Variants in TMEM132D observed in about 807,000 individuals in gnomAD.
TMEM132D encodes the protein mature OL transmembrane protein.
Under a neutral mutation model 62.3 loss-of-function variants are expected in TMEM132D, and 21 were observed. The ratio of observed to expected loss-of-function variants is 0.34; its 90% CI spans 0.24 to 0.49. The LOEUF is 0.49. Among genes scored for constraint, TMEM132D ranks in the 20% least tolerant of loss-of-function variants. The pLI, the probability that TMEM132D is intolerant of heterozygous loss-of-function variation, is 0.99. For missense variants in TMEM132D, 1,346 were observed against 1,402.8 expected, an observed-to-expected ratio of 0.96 and a Z score of 0.65; for synonymous variants, 621 against 575.6, an observed-to-expected ratio of 1.08 and a Z score of -1.13.
At chr12:129,544,701 GAAAGA>G (rs1876682839) in intron 2 of TMEM132D, among the ~76,000 whole-genome samples, 1 of 151,490 alleles carries the variant, frequency 6.6e-6, no homozygotes, top group Non-Finnish European at 1.5e-5. Flanking sequence ...TCAGTTTGCA[GAAAGA>G]AAAGAAATGA....
intron 2 of TMEM132D, chr12:129,682,964 C>A (rs1362245343): frequency 6.6e-6 from 1 of 151,742 alleles, no homozygotes; most frequent in Non-Finnish European, 1.5e-5. Flanking sequence ...GGCACCTTGT[C>A]CCTCCAATGC....
chr12:129,335,005 C>T (rs73422270), intron 4 of TMEM132D, among the ~76,000 whole-genome samples: 2,546 of 152,112 alleles, frequency 0.017, 86 homozygotes, highest in African/African-American at 0.058. Flanking sequence ...AGTCCCTTAC[C>T]TGAAAAAATT....
chr12:129,606,612 T>C (rs1414382341), intron 2 of TMEM132D, among the ~76,000 whole-genome samples: 1 of 152,056 alleles, frequency 6.6e-6, no homozygotes, highest in African/African-American at 2.4e-5. Flanking sequence ...CCAACCCCAA[T>C]ACAGGCACTA....
chr12:129,770,858 C>T (rs12582058), intron 1 of TMEM132D, among the ~76,000 whole-genome samples: 1,845 of 152,266 alleles, frequency 0.012, 26 homozygotes, highest in East Asian at 0.07. Flanking sequence ...TGGTCTCTAC[C>T]GAATGTGTAC....
chr12:129,316,536 A>C (rs1011059893), intron 4 of TMEM132D, among the ~76,000 whole-genome samples: 1 of 152,008 alleles, frequency 6.6e-6, no homozygotes, highest in Non-Finnish European at 1.5e-5. Flanking sequence ...AATTTTCTTA[A>C]ATTTATTGAG....
chr12:129,792,637 A>G (rs1406301115), intron 1 of TMEM132D, among the ~76,000 whole-genome samples: 2 of 152,216 alleles, frequency 1.3e-5, no homozygotes, highest in Non-Finnish European at 2.9e-5. Context: ...GTAAATACAC[A>G]AATAATATCT....
chr12:129,745,352 C>T (rs1869743032), intron 1 of TMEM132D, among the ~76,000 whole-genome samples: 1 of 152,160 alleles, frequency 6.6e-6, no homozygotes, highest in African/African-American at 2.4e-5. Flanking sequence ...AAGTCAACAC[C>T]CGCAAATGCG....
intron 5 of TMEM132D, among the ~76,000 whole-genome samples, chr12:129,133,693 T>C (rs1876447182): frequency 6.6e-6 from 1 of 152,280 alleles, no homozygotes; most frequent in South Asian, 2.1e-4. Context: ...CATTCTGCTT[T>C]CCACTATTTA....
chr12:129,620,660 T>C (rs1336987364), intron 2 of TMEM132D, among the ~76,000 whole-genome samples: 1 of 152,180 alleles, frequency 6.6e-6, no homozygotes, highest in Non-Finnish European at 1.5e-5. Flanking sequence ...AACAAGATCA[T>C]GTCCTTTGCA....
At chr12:129,224,595 TG>T (rs1355238844) in intron 4 of TMEM132D, among the ~76,000 whole-genome samples, 2 of 152,188 alleles carry the variant, frequency 1.3e-5, no homozygotes, top group African/African-American at 4.8e-5. Flanking sequence ...ATTGTACTAG[TG>T]GAGCTTGCTA....
chr12:129,358,767 C>T (rs977742267), intron 3 of TMEM132D, among the ~76,000 whole-genome samples: 2 of 152,092 alleles, frequency 1.3e-5, no homozygotes, highest in Non-Finnish European at 2.9e-5. Flanking sequence ...ATGTGAACCC[C>T]AATGAAGAAT....
chr12:129,228,287 G>T (rs1879538144), intron 4 of TMEM132D, among the ~76,000 whole-genome samples: 1 of 152,144 alleles, frequency 6.6e-6, no homozygotes, highest in African/African-American at 2.4e-5. Flanking sequence ...GAAAATGTCA[G>T]CTCCTTGCTC....
chr12:129,582,174 C>T (rs1449640526), intron 2 of TMEM132D, among the ~76,000 whole-genome samples: 1 of 152,206 alleles, frequency 6.6e-6, no homozygotes, highest in Non-Finnish European at 1.5e-5. Context: ...TGGCCGATCC[C>T]ATGTATTTTT....
chr12:129,339,089 G>A (rs1286604581), intron 3 of TMEM132D, among the ~76,000 whole-genome samples: 1 of 151,996 alleles, frequency 6.6e-6, no homozygotes, highest in Non-Finnish European at 1.5e-5. Flanking sequence ...TGGCCAACAG[G>A]GCAAAACTCT....
chr12:129,735,206 C>T (rs540100171), intron 1 of TMEM132D, among the ~76,000 whole-genome samples: 60 of 152,276 alleles, frequency 3.9e-4, no homozygotes, highest in Non-Finnish European at 3.4e-4. Flanking sequence ...GTCTTGATCA[C>T]ATTTTGCATG....
intron 1 of TMEM132D, among the ~76,000 whole-genome samples, chr12:129,859,627 C>G (rs181192146): frequency 9.8e-5 from 15 of 152,308 alleles, no homozygotes; most frequent in African/African-American, 3.6e-4. Flanking sequence ...AACCAATCAG[C>G]TGCCAACGCG....
At chr12:129,174,275 G>C (rs2135547878) in intron 5 of TMEM132D, among the ~76,000 whole-genome samples, 1 of 152,142 alleles carries the variant, frequency 6.6e-6, no homozygotes, top group African/African-American at 2.4e-5. Context: ...TCCCCTCCCT[G>C]TGTCCATGCG....
chr12:129,149,436 C>G (rs986584830), intron 5 of TMEM132D, among the ~76,000 whole-genome samples: 1 of 152,204 alleles, frequency 6.6e-6, no homozygotes, highest in East Asian at 1.9e-4. Context: ...GCTTTCTGTC[C>G]CTGAAACAAA....
At chr12:129,527,354 C>T (rs989921248) in intron 3 of TMEM132D, among the ~76,000 whole-genome samples, 1 of 151,944 alleles carries the variant, frequency 6.6e-6, no homozygotes, top group African/African-American at 2.4e-5. Context: ...TAAAATGAAA[C>T]GTTATTTACA....
Sources: gnomAD v4.1 joint callset for allele counts (sites outside exome capture counted in the v4.1 genomes callset) on GRCh38, gnomAD v4.1.1 for gene constraint, MANE v1.5 for transcripts, NCBI Gene and HGNC (gene_info 2026-07-23, HGNC 2026-07-21) for gene names.